Variants in FRMD4A observed in about 807,000 individuals in gnomAD.
The protein encoded by FRMD4A is FERM domain-containing protein 4A.
In FRMD4A, 29 loss-of-function variants were observed where a neutral mutation model predicts 129.1. The ratio of observed to expected loss-of-function variants is 0.22; its 90% CI spans 0.17 to 0.31. The LOEUF is 0.31. Ranked by LOEUF, FRMD4A falls within the 10% of genes least tolerant of loss-of-function variation. The probability of loss-of-function intolerance (pLI) is 1.00; values close to 1 mark genes in which losing one functional copy is unlikely to be tolerated. For missense variants in FRMD4A, 1,272 were observed against 1,375.8 expected, an observed-to-expected ratio of 0.92 and a Z score of 1.19; for synonymous variants, 634 against 571.6, an observed-to-expected ratio of 1.11 and a Z score of -1.56.
At chr10:14,039,377 TCCATCC>T (rs1565204331) in intron 2 of FRMD4A, among the ~76,000 whole-genome samples, 1,498 of 125,698 alleles carry the variant, frequency 0.012, 14 homozygotes, top group South Asian at 0.022. Flanking sequence ...CGTCCATCCA[TCCATCC>T]ATCCATCCAT....
intron 2 of FRMD4A, among the ~76,000 whole-genome samples, chr10:14,022,539 T>A (rs1299836915): frequency 6.6e-6 from 1 of 152,134 alleles, no homozygotes; most frequent in Non-Finnish European, 1.5e-5. Context: ...ATTTAAATGC[T>A]TCTCAAGGGA....
intron 2 of FRMD4A, among the ~76,000 whole-genome samples, chr10:13,951,717 C>A (rs2095371559): frequency 1.3e-5 from 2 of 151,740 alleles, no homozygotes; most frequent in Admixed American, 6.6e-5. Flanking sequence ...TGGTGAAACC[C>A]CGTCTCTACT....
intron 3 of FRMD4A, among the ~76,000 whole-genome samples, chr10:13,851,327 A>C (rs2094137472): frequency 6.6e-6 from 1 of 152,270 alleles, no homozygotes; most frequent in Non-Finnish European, 1.5e-5. Flanking sequence ...GATTGCCTTC[A>C]TAATATTTTC....
chr10:13,746,123 C>T (rs574358895), intron 9 of FRMD4A, among the ~76,000 whole-genome samples: 4 of 152,258 alleles, frequency 2.6e-5, no homozygotes, highest in East Asian at 1.9e-4. Flanking sequence ...ACGCCAGACA[C>T]GGAAGGGAGC....
At chr10:13,694,907 T>C (rs1277864744) in intron 14 of FRMD4A, among the ~76,000 whole-genome samples, 2 of 152,154 alleles carry the variant, frequency 1.3e-5, no homozygotes, top group East Asian at 3.9e-4. Flanking sequence ...GGGTGCATGA[T>C]TGTGGAAAAA....
intron 2 of FRMD4A, among the ~76,000 whole-genome samples, chr10:13,865,177 A>G (rs544480674): frequency 2.5e-4 from 38 of 152,170 alleles, no homozygotes; most frequent in Non-Finnish European, 4.0e-4. Context: ...CCTTGTCTGT[A>G]CAAGAGGGAT....
At chr10:13,698,689 T>C (rs1024279416) in intron 14 of FRMD4A, among the ~76,000 whole-genome samples, 77 of 152,210 alleles carry the variant, frequency 5.1e-4, no homozygotes, top group African/African-American at 1.5e-3. Flanking sequence ...CAATCACTAA[T>C]TGAGGTCAGG....
In FRMD4A at chr10:13,654,414, A is replaced by AC. The variant is rs778915941; in HGVS notation, c.3050+1dup. 5.0e-6 allele frequency: 8 copies of AC among 1,584,958 alleles called. No individual in the cohort carries two copies. ...AGTGAAGAACATAGAAGGAGAACTC[A>AC]CCCAGTCTGCCAGGTTAGGATGTGG... On this transcript the variant is annotated splice_donor_variant, in intron 23 of 24. Coordinates refer to ENST00000357447, the MANE Select transcript of FRMD4A (RefSeq NM_018027.5). LOFTEE classifies it high-confidence loss of function.
chr10:13,733,976 T>G (rs185532866), intron 12 of FRMD4A, among the ~76,000 whole-genome samples: 20 of 152,348 alleles, frequency 1.3e-4, no homozygotes, highest in Admixed American at 4.6e-4. Context: ...TCCAGCTGAA[T>G]GCCCAACTGC....
At chr10:13,871,536 C>T (rs2094439001) in intron 2 of FRMD4A, among the ~76,000 whole-genome samples, 3 of 152,120 alleles carry the variant, frequency 2.0e-5, no homozygotes, top group Admixed American at 2.0e-4. Flanking sequence ...ACAATAAAAC[C>T]ACGAACATCT....
intron 3 of FRMD4A, among the ~76,000 whole-genome samples, chr10:13,825,243 T>A (rs1045385786): frequency 2.0e-5 from 3 of 152,188 alleles, no homozygotes; most frequent in Non-Finnish European, 2.9e-5. Context: ...TAAGGTTGAC[T>A]TGAACACAAG....
At chr10:13,894,370 T>G (rs1366609915) in intron 2 of FRMD4A, among the ~76,000 whole-genome samples, 1 of 152,234 alleles carries the variant, frequency 6.6e-6, no homozygotes, top group Non-Finnish European at 1.5e-5. Flanking sequence ...TTCTGATGGC[T>G]ATAAGGACCC....
At chr10:13,705,324 T>C (rs138532019) in intron 13 of FRMD4A, among the ~76,000 whole-genome samples, 611 of 152,236 alleles carry the variant, frequency 4.0e-3, no homozygotes, top group Admixed American at 8.3e-3. Context: ...TACTCACCAA[T>C]AGGGCGACAG....
chr10:13,905,933 C>A (rs1342295865), intron 2 of FRMD4A, among the ~76,000 whole-genome samples: 1 of 152,180 alleles, frequency 6.6e-6, no homozygotes, highest in African/African-American at 2.4e-5. Flanking sequence ...AGTTTAAGCG[C>A]CAAAAATCAT....
rs1298609600 is a variant in FRMD4A at position 13,643,812 on chromosome 10, TTC to T, written c.*3224_*3225del. Reference sequence around the variant, plus strand: ...CAAAAAGAATAAATTAAAAGCAGATTTCTTTTTTTAATTCTGCAACTTTGTCT... The same window carrying T: ...CAAAAAGAATAAATTAAAAGCAGATTTTTTTTTAATTCTGCAACTTTGTCT... On this transcript the variant is annotated 3_prime_UTR_variant, in exon 25 of 25. Transcript: ENST00000357447. 2.0e-5 allele frequency: 3 copies of T among 152,780 alleles called. No individual in the cohort carries two copies. The highest frequency in any genetic ancestry group is 4.8e-5 in the African/African-American group (2 of 41,580). The allele number at this position is 152,780 out of a possible 1,614,324, so 9.5% of individuals were successfully genotyped here.
chr10:14,089,402 G>A (rs907027113), intron 2 of FRMD4A, among the ~76,000 whole-genome samples: 2 of 151,920 alleles, frequency 1.3e-5, no homozygotes, highest in Admixed American at 1.3e-4. Context: ...GGACGGGCTG[G>A]CCCAAGTCTG....
chr10:13,925,808 C>A (rs1457747569), intron 2 of FRMD4A, among the ~76,000 whole-genome samples: 1 of 150,884 alleles, frequency 6.6e-6, no homozygotes, highest in African/African-American at 2.4e-5. Flanking sequence ...TGGTCTAGAT[C>A]TCCTGACCTC....
chr10:13,788,378 G>A (rs988323496), intron 5 of FRMD4A, among the ~76,000 whole-genome samples: 3 of 152,062 alleles, frequency 2.0e-5, no homozygotes, highest in African/African-American at 7.2e-5. Context: ...AGCCTTGCCC[G>A]TTCCTCCCCA....
At chr10:14,000,178 T>C (rs1370846375) in intron 2 of FRMD4A, among the ~76,000 whole-genome samples, 1 of 152,166 alleles carries the variant, frequency 6.6e-6, no homozygotes, top group Admixed American at 6.5e-5. Context: ...CTATATAGTT[T>C]TATGGATGTA....
Sources: gnomAD v4.1 joint callset for allele counts (sites outside exome capture counted in the v4.1 genomes callset) on GRCh38, gnomAD v4.1.1 for gene constraint, MANE v1.5 for transcripts, NCBI Gene and HGNC (gene_info 2026-07-23, HGNC 2026-07-21) for gene names.